Variants in ZNF589 observed in about 807,000 individuals in gnomAD.
ZNF589 encodes zinc finger protein 589.
A neutral mutation model predicts 13.6 loss-of-function variants in ZNF589; 17 were observed. The ratio of observed to expected loss-of-function variants is 1.25; its 90% CI spans 0.86 to 1.88. The LOEUF (loss-of-function observed/expected upper bound fraction) is 1.88. Among genes scored for constraint, ZNF589 ranks in the 40% most tolerant of loss-of-function variants. The probability of loss-of-function intolerance (pLI) is 0.00; values close to 1 mark genes in which losing one functional copy is unlikely to be tolerated. For missense variants in ZNF589, 407 were observed against 434.0 expected, an observed-to-expected ratio of 0.94 and a Z score of 0.55; for synonymous variants, 148 against 161.6, an observed-to-expected ratio of 0.92 and a Z score of 0.64.
intron 1 of ZNF589, among the ~76,000 whole-genome samples, 160 bp from the exon 2 acceptor site, chr3:48,247,465 G>A (rs2033781569): frequency 6.6e-6 from 1 of 152,024 alleles, no homozygotes; most frequent in Non-Finnish European, 1.5e-5. Context: ...AGAGCATAGA[G>A]AAGTTGACTC....
chr3:48,265,344 G>A (rs2034009164), intron 3 of ZNF589, among the ~76,000 whole-genome samples: 1 of 124,594 alleles, frequency 8.0e-6, no homozygotes, highest in African/African-American at 3.1e-5. Flanking sequence ...GGAGTGCAAT[G>A]ATGGGATCTC....
At chr3:48,256,570 G>A in intron 2 of ZNF589, 1 of 697,368 alleles carries the variant, frequency 1.4e-6, no homozygotes, top group African/African-American at 1.8e-5. Flanking sequence ...GACCTGCTCG[G>A]TAGGCCATCT....
chr3:48,245,740 A>C (rs2033756285), intron 1 of ZNF589, among the ~76,000 whole-genome samples: 1 of 152,212 alleles, frequency 6.6e-6, no homozygotes, highest in Admixed American at 6.5e-5. Flanking sequence ...TGAGGTCAGG[A>C]GTTCGAGACC....
intron 1 of ZNF589, among the ~76,000 whole-genome samples, chr3:48,243,377 G>T (rs1417797070): frequency 6.6e-6 from 1 of 152,134 alleles, no homozygotes; most frequent in East Asian, 1.9e-4. Context: ...TGTGTAGTTT[G>T]CCAAGCCATT....
intron 2 of ZNF589, among the ~76,000 whole-genome samples, chr3:48,248,884 C>T (rs1280840709): frequency 1.3e-5 from 2 of 152,132 alleles, no homozygotes; most frequent in South Asian, 2.1e-4. Flanking sequence ...GCATTAAATT[C>T]GCGTAGCTTC....
intron 2 of ZNF589, among the ~76,000 whole-genome samples, chr3:48,253,336 C>T (rs1036450219): frequency 2.2e-4 from 33 of 152,194 alleles, no homozygotes; most frequent in Middle Eastern, 3.4e-3. Context: ...CGGCCATCAC[C>T]GTTAGTATTA....
chr3:48,247,314 A>G (rs2106832445), intron 1 of ZNF589, among the ~76,000 whole-genome samples: 2 of 152,004 alleles, frequency 1.3e-5, no homozygotes, highest in African/African-American at 4.8e-5. Context: ...CTAGAGTCAC[A>G]TAACACATGG....
At chr3:48,247,288 A>T (rs529276589) in intron 1 of ZNF589, among the ~76,000 whole-genome samples, 3 of 151,316 alleles carry the variant, frequency 2.0e-5, no homozygotes, top group Admixed American at 1.3e-4. Context: ...TTCATAAATT[A>T]AAAAAAAACA....
At chr3:48,263,214 A>G (rs942478076) in intron 3 of ZNF589, among the ~76,000 whole-genome samples, 1 of 151,478 alleles carries the variant, frequency 6.6e-6, no homozygotes, top group Admixed American at 6.6e-5. Flanking sequence ...GGTTCAAGTG[A>G]TTCTCCTGCC....
chr3:48,263,155 G>A (rs2033984096), intron 3 of ZNF589, among the ~76,000 whole-genome samples: 1 of 151,748 alleles, frequency 6.6e-6, no homozygotes, highest in Non-Finnish European at 1.5e-5. Context: ...TGTTGCCCAG[G>A]CTGGAGTGCA....
chr3:48,260,792 T>G, intron 2 of ZNF589, 21 bp from the exon 3 acceptor site: 2 of 1,614,016 alleles, frequency 1.2e-6, no homozygotes, highest in Non-Finnish European at 1.7e-6. Context: ...TTGATGAATA[T>G]GAATTTATCG....
At chr3:48,247,527 G>A in intron 1 of ZNF589, 98 bp from the exon 2 acceptor site, 1 of 1,368,114 alleles carries the variant, frequency 7.3e-7, no homozygotes, top group Non-Finnish European at 1.0e-6. Flanking sequence ...AGCTGAGAAG[G>A]CTCAGGTGGC....
intron 1 of ZNF589, among the ~76,000 whole-genome samples, chr3:48,244,044 G>T (rs534663246): frequency 6.6e-6 from 1 of 152,264 alleles, no homozygotes; most frequent in African/African-American, 2.4e-5. Flanking sequence ...TTGCCTGTGA[G>T]TGGTCTCATG....
chr3:48,264,526 A>G (rs1007836257), intron 3 of ZNF589, among the ~76,000 whole-genome samples: 1 of 149,952 alleles, frequency 6.7e-6, no homozygotes, highest in Admixed American at 6.6e-5. Flanking sequence ...GAGCAAGACT[A>G]TGTCTAAAAA....
At chr3:48,257,147 TTAGGA>T (rs1327021600) in intron 2 of ZNF589, 2 of 401,492 alleles carry the variant, frequency 5.0e-6, no homozygotes, top group Admixed American at 5.8e-5. Flanking sequence ...AGATTTGCTA[TTAGGA>T]TAATGCTGGA....
intron 2 of ZNF589, among the ~76,000 whole-genome samples, chr3:48,253,389 T>C (rs572938450): frequency 8.5e-5 from 13 of 152,318 alleles, no homozygotes; most frequent in African/African-American, 2.9e-4. Context: ...AGTCCAACTT[T>C]ATTCAGATTT....
intron 2 of ZNF589, among the ~76,000 whole-genome samples, chr3:48,259,683 G>A (rs531103821): frequency 2.6e-5 from 4 of 152,068 alleles, no homozygotes; most frequent in Non-Finnish European, 5.9e-5. Flanking sequence ...GTCCGAGGCC[G>A]GCAGATCACT....
intron 2 of ZNF589, among the ~76,000 whole-genome samples, chr3:48,249,450 A>G (rs113611935): frequency 1.2e-4 from 19 of 152,230 alleles, no homozygotes; most frequent in South Asian, 2.1e-4. Context: ...ATCTCAATAC[A>G]TTTCACCTCT....
At position 48,261,331 on chromosome 3, in the gene ZNF589, A is replaced by G. The variant is rs575336708; in HGVS notation, c.223+392A>G. ...GGCTTGAAGGAGGTGAGGAGGTTGG[A>G]TATGTGGGTCAGGTGGGAAACTGCT... On this transcript the variant is annotated intron_variant, in intron 3 of 3. Coordinates refer to ENST00000354698, the MANE Select transcript of ZNF589 (RefSeq NM_016089.3). 2.0e-5 allele frequency among the ~76,000 whole-genome samples: 3 copies of G among 152,264 alleles called. No individual in the cohort carries two copies. The South Asian group carries it at 6.2e-4, about 32-fold the overall frequency.
Sources: allele counts gnomAD v4.1 joint callset (sites outside exome capture counted in the v4.1 genomes callset), GRCh38; gene constraint gnomAD v4.1.1; transcripts MANE v1.5; gene names NCBI Gene and HGNC (gene_info 2026-07-23, HGNC 2026-07-21).